Variants in PRKD3 observed in about 807,000 individuals in gnomAD.
PRKD3 encodes serine/threonine-protein kinase D3.
In PRKD3, 47 loss-of-function variants were observed where a neutral mutation model predicts 99.2. The ratio of observed to expected loss-of-function variants is 0.47; its 90% CI spans 0.38 to 0.60. The LOEUF (loss-of-function observed/expected upper bound fraction) is 0.60, where lower values mean the gene tolerates loss of function less well. Ranked by LOEUF, PRKD3 falls within the 20% of genes least tolerant of loss-of-function variation. The probability of loss-of-function intolerance (pLI) is 0.00; values close to 1 mark genes in which losing one functional copy is unlikely to be tolerated. For synonymous variants in PRKD3, 392 were observed against 355.4 expected, an observed-to-expected ratio of 1.10 and a Z score of -1.16; for missense variants, 1,019 against 1,088.4, an observed-to-expected ratio of 0.94 and a Z score of 0.90.
Position 37,264,054 on chromosome 2 carries a change from C to T in PRKD3, c.1884+3376G>A, listed in dbSNP as rs1000460126. ...CTACTACCCTCTTCAGGCAAGACAG[C>T]AAAAGAAACATTTTACATTACCACA... is the stretch of plus-strand genomic sequence containing the variant. On this transcript the variant is annotated intron_variant, in intron 14 of 18. Coordinates refer to ENST00000234179, the MANE Select transcript of PRKD3 (RefSeq NM_005813.6). 2.0e-5 allele frequency among the ~76,000 whole-genome samples: 3 copies of T among 152,126 alleles called. No individual in the cohort carries two copies. The South Asian group carries it at 6.2e-4, about 31-fold the overall frequency.
intron 7 of PRKD3, 118 bp downstream of exon 7, chr2:37,282,424 G>C: frequency 1.4e-6 from 1 of 694,256 alleles, no homozygotes; most frequent in Non-Finnish European, 2.5e-6. Flanking sequence ...TATTAAATCA[G>C]AAGAAAATCT....
At chr2:37,305,106 A>G (rs79595113) in intron 2 of PRKD3, among the ~76,000 whole-genome samples, 1 of 151,134 alleles carries the variant, frequency 6.6e-6, no homozygotes, top group East Asian at 1.9e-4. Context: ...GAATGGATAG[A>G]AAAAAAAACA....
intron 2 of PRKD3, among the ~76,000 whole-genome samples, chr2:37,304,471 T>C (rs1671071643): frequency 6.6e-6 from 1 of 152,148 alleles, no homozygotes; most frequent in Non-Finnish European, 1.5e-5. Context: ...CCAGGTGTGG[T>C]GGCTCACGCC....
At chr2:37,315,955 C>T (rs776552616) in intron 2 of PRKD3, among the ~76,000 whole-genome samples, 12 of 152,138 alleles carry the variant, frequency 7.9e-5, no homozygotes, top group Admixed American at 2.0e-4. Flanking sequence ...GAACTCCTGA[C>T]CTCAGGTGAT....
chr2:37,276,965 G>C (rs921349477), intron 9 of PRKD3, among the ~76,000 whole-genome samples: 3 of 151,772 alleles, frequency 2.0e-5, no homozygotes, highest in Admixed American at 1.3e-4. Context: ...AATTCGCAAA[G>C]GTAGGCACAC....
intron 2 of PRKD3, among the ~76,000 whole-genome samples, chr2:37,308,473 G>A (rs1262446644): frequency 1.3e-5 from 2 of 151,926 alleles, no homozygotes; most frequent in Non-Finnish European, 2.9e-5. Flanking sequence ...CCCTCAGGCT[G>A]CAGTGAAGTG....
chr2:37,253,105 C>T lies in PRKD3; in HGVS notation c.*72G>A. 2 of 1,437,378 alleles carry T rather than the reference C, an allele frequency of 1.4e-6. No homozygotes were observed. The highest frequency in any genetic ancestry group is 2.3e-5 in the East Asian group (1 of 43,380). 89.0% of individuals were successfully genotyped at this position (1,437,378 alleles called of 1,614,324 possible). A position where few individuals can be genotyped will look rare whatever the true frequency, so the allele number is the denominator to read the frequency against. Reference sequence around the variant, plus strand: ...TTGCAGCACTGCAGATGACAATCTACAAAGAACAAGTTACACAGCAAAATA... The same window carrying T: ...TTGCAGCACTGCAGATGACAATCTATAAAGAACAAGTTACACAGCAAAATA... On this transcript the variant is annotated 3_prime_UTR_variant, in exon 19 of 19. Coordinates refer to ENST00000234179, the MANE Select transcript of PRKD3 (RefSeq NM_005813.6).
Position 37,253,222 on chromosome 2 carries a change from G to T in PRKD3, c.2628C>A (p.His876Gln). 1 of 1,611,628 alleles carries T rather than the reference G, an allele frequency of 6.2e-7. No homozygotes were observed. The highest frequency in any genetic ancestry group is 1.7e-4 in the Middle Eastern group (1 of 6,050). ...AYTHNLVYPK[H>Q]FIMAPNPDDM... ...CATCTGGATTAGGAGCCATAATGAA[G>T]TGCTTTGGGTATACAAGGTTATGTG... The change falls in exon 19 of 19, where the codon CAC becomes CAA. Residue 876 changes from histidine (H) to glutamine (Q), a missense_variant. His to Gln is a conservative substitution (Grantham distance 24). Coordinates refer to ENST00000234179, the MANE Select transcript of PRKD3 (RefSeq NM_005813.6).
At chr2:37,261,235 C>A (rs566851452) in intron 14 of PRKD3, among the ~76,000 whole-genome samples, 8 of 152,220 alleles carry the variant, frequency 5.3e-5, no homozygotes, top group African/African-American at 1.9e-4. Context: ...GCCTGTAATC[C>A]CAGCACTTTG....
intron 18 of PRKD3, 199 bp from the exon 19 acceptor site, chr2:37,253,549 G>A: frequency 2.1e-6 from 1 of 482,274 alleles, no homozygotes; most frequent in South Asian, 4.8e-5. Context: ...TTCAAACTCA[G>A]AGTCTCCAAT....
At chr2:37,279,610 G>A (rs1669740714) in intron 8 of PRKD3, 136 bp downstream of exon 8, 1 of 541,966 alleles carries the variant, frequency 1.8e-6, no homozygotes, top group Admixed American at 4.1e-5. Context: ...TACATTGCAT[G>A]TAAAAGAATT....
intron 15 of PRKD3, among the ~76,000 whole-genome samples, chr2:37,259,957 G>C (rs1157065850): frequency 2.0e-5 from 3 of 152,116 alleles, no homozygotes; most frequent in Non-Finnish European, 4.4e-5. Flanking sequence ...TTGAGGCAAG[G>C]AGTTCGAGAC....
At chr2:37,266,692 TAGTC>T (rs1332484165) in intron 14 of PRKD3, among the ~76,000 whole-genome samples, 3 of 152,142 alleles carry the variant, frequency 2.0e-5, no homozygotes, top group African/African-American at 4.8e-5. Flanking sequence ...CTCACCATGT[TAGTC>T]AGGCTGGTCC....
intron 3 of PRKD3, among the ~76,000 whole-genome samples, chr2:37,291,425 T>C (rs868569392): frequency 1.3e-5 from 2 of 152,248 alleles, no homozygotes; most frequent in Non-Finnish European, 2.9e-5. Flanking sequence ...CAGGATATAC[T>C]TGTCTGTTTG....
In PRKD3 at chr2:37,311,032, A is replaced by G. The variant is rs1671402546; in HGVS notation, c.288+5205T>C. On this transcript the variant is annotated intron_variant, in intron 2 of 18. Transcript: ENST00000234179. ...AGCACCACTAGGAAGCAGAATCACA[A>G]AACTTTTTATCTGACCAAGCAAAAG... is the stretch of plus-strand genomic sequence containing the variant. 2.0e-5 allele frequency among the ~76,000 whole-genome samples: 3 copies of G among 152,160 alleles called. No homozygotes were observed. The South Asian group carries it at 6.2e-4, about 31-fold the overall frequency.
chr2:37,290,134 C>T (rs796593352), intron 4 of PRKD3, among the ~76,000 whole-genome samples: 3 of 152,194 alleles, frequency 2.0e-5, no homozygotes, highest in Non-Finnish European at 4.4e-5. Context: ...GACCCTCCAC[C>T]TTAGAAGACT....
At chr2:37,267,391 G>C in intron 14 of PRKD3, 39 bp downstream of exon 14, 1 of 1,317,378 alleles carries the variant, frequency 7.6e-7, no homozygotes, top group South Asian at 1.3e-5. Context: ...ATTCTTACCA[G>C]CCTCTTTAAT....
chr2:37,303,974 T>C (rs75748399), intron 2 of PRKD3, among the ~76,000 whole-genome samples: 10,365 of 152,180 alleles, frequency 0.068, 397 homozygotes, highest in Middle Eastern at 0.088. Context: ...ATTTGAGACA[T>C]TGAATACCAA....
At chr2:37,254,055 G>C (rs1247599993) in intron 18 of PRKD3, 149 bp downstream of exon 18, 1 of 626,420 alleles carries the variant, frequency 1.6e-6, no homozygotes, top group Admixed American at 2.6e-5. Flanking sequence ...AATGCTGTAT[G>C]GTTTCCAGAG....
Sources: allele counts gnomAD v4.1 joint callset (sites outside exome capture counted in the v4.1 genomes callset), GRCh38; gene constraint gnomAD v4.1.1; transcripts MANE v1.5; gene names NCBI Gene and HGNC (gene_info 2026-07-23, HGNC 2026-07-21).